Variants in PCSK1 observed in about 807,000 individuals in gnomAD.
The protein encoded by PCSK1 is proprotein convertase subtilisin/kexin type 1.
In PCSK1, 56 loss-of-function variants were observed where a neutral mutation model predicts 90.6. The observed-to-expected ratio is 0.62, with a 90% CI of 0.50 to 0.77. The LOEUF is 0.77. PCSK1 is among the 30% of genes least tolerant of loss of function. PCSK1 has a pLI of 0.00. For synonymous variants in PCSK1, 348 were observed against 342.4 expected, an observed-to-expected ratio of 1.02 and a Z score of -0.18; for missense variants, 801 against 932.6, an observed-to-expected ratio of 0.86 and a Z score of 1.84.
rs1761293756 is a variant in PCSK1 at position 96,425,946 on chromosome 5, T to C, written c.286-16A>G. ...CCCATATCACCTACAAGGATTTTTATAGCAAGAAAATCAAAAGTCAAATAT... is the reference window on the plus strand; with the variant it reads ...CCCATATCACCTACAAGGATTTTTACAGCAAGAAAATCAAAAGTCAAATAT... On this transcript the variant is annotated splice_polypyrimidine_tract_variant and intron_variant, in intron 2 of 13. Transcript: ENST00000311106. The C allele has an allele frequency of 5.3e-6, 8 of 1,501,880 alleles. No homozygotes were observed. The highest frequency in any genetic ancestry group is 7.4e-6 in the Non-Finnish European group (8 of 1,079,332). 93.0% of individuals were successfully genotyped at this position (1,501,880 alleles called of 1,614,324 possible). A position where few individuals can be genotyped will look rare whatever the true frequency, so the allele number is the denominator to read the frequency against.
At chr5:96,419,172 T>A (rs528439901) in intron 5 of PCSK1, among the ~76,000 whole-genome samples, 75 of 151,908 alleles carry the variant, frequency 4.9e-4, no homozygotes, top group Non-Finnish European at 9.6e-4. Flanking sequence ...AGGGTAGTAT[T>A]TAAATATCTT....
intron 9 of PCSK1, among the ~76,000 whole-genome samples, chr5:96,401,149 A>C (rs1384995856): frequency 2.0e-5 from 3 of 148,382 alleles, no homozygotes; most frequent in Non-Finnish European, 4.5e-5. Context: ...TAAGGCTTTT[A>C]TAATTCTATC....
chr5:96,423,252 C>G, intron 4 of PCSK1, 61 bp downstream of exon 4: 6 of 1,522,818 alleles, frequency 3.9e-6, no homozygotes, highest in Non-Finnish European at 5.4e-6. Context: ...AAGGAAAGCC[C>G]TAACTGTGTG....
Position 96,393,128 on chromosome 5 carries a change from T to G in PCSK1, c.2135A>C (p.Gln712Pro). ...EALEKLNKPS[Q>P]LKDSEDSLYN... ...CAGACTGTCTTCAGAGTCTTTAAGC[T>G]GGGAAGGTTTGTTCAGCTTTTCCAG... Residue 712 changes from glutamine to proline, a missense_variant, in exon 14 of 14, where the codon CAG becomes CCG. Transcript: ENST00000311106. 1 of 1,614,214 alleles carries G rather than the reference T, an allele frequency of 6.2e-7. No homozygotes were observed. The highest frequency in any genetic ancestry group is 1.7e-5 in the Admixed American group (1 of 60,026).
At chr5:96,399,865 G>T in intron 10 of PCSK1, 88 bp downstream of exon 10, 1 of 1,010,674 alleles carries the variant, frequency 9.9e-7, no homozygotes. Flanking sequence ...CAGAAGGGTA[G>T]ATACAAAAAA....
rs572764093 is a variant in PCSK1 at position 96,403,992 on chromosome 5, A to G, written c.1197-3806T>C. On this transcript the variant is annotated intron_variant, in intron 9 of 13. Transcript: ENST00000311106. ...CACTTCAGAATTTTCCTCACCTATT[A>G]AAAATTATTCTGATTCTTTTGATCT... Among the ~76,000 whole-genome samples, 4 of 152,348 alleles carry G rather than the reference A, an allele frequency of 2.6e-5. No homozygotes were observed. In the South Asian group the frequency reaches 8.3e-4, roughly 32 times the overall value.
At chr5:96,421,359 A>G (rs1761123457) in intron 5 of PCSK1, among the ~76,000 whole-genome samples, 1 of 151,144 alleles carries the variant, frequency 6.6e-6, no homozygotes, top group Non-Finnish European at 1.5e-5. Flanking sequence ...AATGCCCTGG[A>G]GACTGTGTTG....
At chr5:96,412,526 G>A in intron 6 of PCSK1, 36 bp from the exon 7 acceptor site, 1 of 1,582,802 alleles carries the variant, frequency 6.3e-7, no homozygotes, top group Middle Eastern at 1.7e-4. Flanking sequence ...CACAAAGGTT[G>A]ATGTCAGTAT....
At chr5:96,425,040 GAA>G (rs1262980432) in intron 3 of PCSK1, among the ~76,000 whole-genome samples, 1,536 of 140,310 alleles carry the variant, frequency 0.011, 58 homozygotes, top group African/African-American at 0.04. Context: ...AAGAAAGAAA[GAA>G]AGAAAGAAAG....
At chr5:96,413,101 C>T (rs1204363310) in intron 6 of PCSK1, 3 of 265,640 alleles carry the variant, frequency 1.1e-5, no homozygotes, top group Non-Finnish European at 1.7e-5. Context: ...TTTCTAAGCC[C>T]TGATTAAAAA....
intron 13 of PCSK1, among the ~76,000 whole-genome samples, chr5:96,394,494 G>T (rs533575816): frequency 6.6e-6 from 1 of 152,140 alleles, no homozygotes; most frequent in Non-Finnish European, 1.5e-5. Flanking sequence ...CTAGGTTATA[G>T]GGATTATAGG....
At position 96,397,329 on chromosome 5, in the gene PCSK1, C is replaced by T. The variant is rs527967413; in HGVS notation, c.1722+7G>A. On this transcript the variant is annotated splice_region_variant and intron_variant, in intron 12 of 13. Transcript: ENST00000311106. ...TTGTGTTTTTTCATCCTCTCATTCACACTTACCATGTCTGTAATTCTCAAA... is the reference window on the plus strand; with the variant it reads ...TTGTGTTTTTTCATCCTCTCATTCATACTTACCATGTCTGTAATTCTCAAA... The T allele has an allele frequency of 4.3e-6, 7 of 1,612,348 alleles. No homozygotes were observed. Among genetic ancestry groups the T allele is most frequent in the Middle Eastern group, 1.6e-4 (1 of 6,082 alleles).
chr5:96,431,320 C>A lies in PCSK1; in HGVS notation c.180+1543G>T, dbSNP rs533938056. ...CTCCGATCTCATTATGTGCTCCTGGCAACCTTTGACTTCTGTTCCCGGAGC... is the reference window on the plus strand; with the variant it reads ...CTCCGATCTCATTATGTGCTCCTGGAAACCTTTGACTTCTGTTCCCGGAGC... On this transcript the variant is annotated intron_variant, in intron 1 of 13. Transcript: ENST00000311106. 5.3e-5 allele frequency among the ~76,000 whole-genome samples: 8 copies of A among 152,324 alleles called. No homozygotes were observed. The South Asian group carries it at 1.7e-3, about 32-fold the overall frequency.
Position 96,410,843 on chromosome 5 carries a change from C to T in PCSK1, c.1026G>A (p.Trp342Ter), listed in dbSNP as rs1162099692. ...SSASQQGLSP[W>*]YAEKCSSTLA... Reference sequence around the variant, plus strand: ...GTGTGGAGGAGCACTTCTCAGCGTACCAGGGGGATAGGCCTTGCTGGGAGG... The same window carrying T: ...GTGTGGAGGAGCACTTCTCAGCGTATCAGGGGGATAGGCCTTGCTGGGAGG... The change falls in exon 8 of 14, where the codon TGG (tryptophan) becomes TGA (stop). Residue 342 changes from tryptophan (W) to a stop codon, truncating the protein, a stop_gained. Transcript: ENST00000311106. LOFTEE classifies it high-confidence loss of function. 6.2e-7 allele frequency: 1 copy of T among 1,614,074 alleles called. No homozygotes were observed. Among genetic ancestry groups the T allele is most frequent in the Admixed American group, 1.7e-5 (1 of 60,010 alleles).
At position 96,391,769 on chromosome 5, in the gene PCSK1, C is replaced by A. The variant is rs373852338; in HGVS notation, c.*1232G>T. 2 of 152,132 alleles carry A rather than the reference C, an allele frequency of 1.3e-5. No homozygotes were observed. 9.4% of individuals were successfully genotyped at this position (152,132 alleles called of 1,614,324 possible). ...CTGTTGCCATGAGCAAAGATGGGTC[C>A]GAGAATGAGGTTTTATGTGAAACAT... is the stretch of plus-strand genomic sequence containing the variant. On this transcript the variant is annotated 3_prime_UTR_variant, in exon 14 of 14. Coordinates refer to ENST00000311106, the MANE Select transcript of PCSK1 (RefSeq NM_000439.5).
At position 96,392,982 on chromosome 5, in the gene PCSK1, T is replaced by C. The variant is rs1759999628; in HGVS notation, c.*19A>G. The C allele has an allele frequency of 6.2e-7, 1 of 1,613,650 alleles. No individual in the cohort carries two copies. The highest frequency in any genetic ancestry group is 1.3e-5 in the African/African-American group (1 of 74,904). ...AGGAAGAAGCATGAATATTTCCAAC[T>C]TGGGACCACACACTTATTTTAATTT... is the stretch of plus-strand genomic sequence containing the variant. On this transcript the variant is annotated 3_prime_UTR_variant, in exon 14 of 14. Coordinates refer to ENST00000311106, the MANE Select transcript of PCSK1 (RefSeq NM_000439.5).
At chr5:96,405,243 A>G (rs1760519820) in intron 9 of PCSK1, among the ~76,000 whole-genome samples, 1 of 152,216 alleles carries the variant, frequency 6.6e-6, no homozygotes, top group Non-Finnish European at 1.5e-5. Flanking sequence ...AATTCTTATG[A>G]TAAGCACCTG....
At position 96,392,553 on chromosome 5, in the gene PCSK1, A is replaced by C. The variant is rs944752869; in HGVS notation, c.*448T>G. On this transcript the variant is annotated 3_prime_UTR_variant, in exon 14 of 14. Transcript: ENST00000311106. ...TAGGCCTACCAAATACTTTCTTGGC[A>C]TCAAAATTTGAAGAACCACATGGAC... 5.7e-6 allele frequency: 1 copy of C among 174,834 alleles called. No individual in the cohort carries two copies. The highest frequency in any genetic ancestry group is 1.2e-5 in the Non-Finnish European group (1 of 81,860). 10.8% of individuals were successfully genotyped at this position (174,834 alleles called of 1,614,324 possible).
chr5:96,411,784 A>T (rs1221291644), intron 7 of PCSK1, among the ~76,000 whole-genome samples: 2 of 152,208 alleles, frequency 1.3e-5, no homozygotes, highest in Non-Finnish European at 2.9e-5. Context: ...TCAACCTCAG[A>T]CCCAAATAGG....
Sources: gnomAD v4.1 joint callset for allele counts (sites outside exome capture counted in the v4.1 genomes callset) on GRCh38, gnomAD v4.1.1 for gene constraint, MANE v1.5 for transcripts, NCBI Gene and HGNC (gene_info 2026-07-23, HGNC 2026-07-21) for gene names.